The following HSF1 variants were observed in gnomAD, a reference collection of about 807,000 sequenced individuals.
The protein encoded by HSF1 is heat shock transcription factor 1.
A neutral mutation model predicts 51.7 loss-of-function variants in HSF1; 32 were observed. That is an observed-to-expected ratio of 0.62 (90% CI 0.47 to 0.83). The LOEUF is 0.83. Ranked by LOEUF, HSF1 falls within the 40% of genes least tolerant of loss-of-function variation. HSF1 has a pLI of 0.00. For synonymous variants in HSF1, 396 were observed against 309.7 expected, an observed-to-expected ratio of 1.28 and a Z score of -2.92; for missense variants, 727 against 717.0, an observed-to-expected ratio of 1.01 and a Z score of -0.16.
At chr8:144,295,258 A>G (rs1815378413) in intron 1 of HSF1, among the ~76,000 whole-genome samples, 1 of 152,250 alleles carries the variant, frequency 6.6e-6, no homozygotes, top group African/African-American at 2.4e-5. Flanking sequence ...AAAAGCAGAA[A>G]GTGAAGCCTC....
intron 1 of HSF1, chr8:144,293,674 G>A (rs1554840831): frequency 6.6e-6 from 1 of 151,842 alleles, no homozygotes; most frequent in African/African-American, 2.4e-5. Flanking sequence ...CTGACCTCAA[G>A]TTATCCACCC....
At position 144,311,201 on chromosome 8, in the gene HSF1, G is replaced by A; in HGVS notation, c.516G>A (p.Val172=). Residue 172 remains valine, a synonymous_variant, in exon 5 of 13, where the codon GTG becomes GTA. Coordinates refer to ENST00000528838, the MANE Select transcript of HSF1 (RefSeq NM_005526.4). ...AGAATGAGGCTCTGTGGCGGGAGGT[G>A]GCCAGCCTTCGGCAGAAGCATGCCC... ...KHENEALWRE[V]ASLRQKHAQQ... is the part of the protein sequence containing the mutation. 6.2e-7 allele frequency: 1 copy of A among 1,603,000 alleles called. No individual in the cohort carries two copies. Among genetic ancestry groups the A allele is most frequent in the Non-Finnish European group, 8.5e-7 (1 of 1,175,182 alleles).
intron 1 of HSF1, among the ~76,000 whole-genome samples, chr8:144,294,413 G>A (rs141707178): frequency 6.6e-6 from 1 of 152,298 alleles, no homozygotes; most frequent in Non-Finnish European, 1.5e-5. Context: ...CTTGCTCTCT[G>A]CTGCCTTCTC....
chr8:144,299,003 C>G (rs751676488), intron 1 of HSF1, among the ~76,000 whole-genome samples: 2 of 152,176 alleles, frequency 1.3e-5, no homozygotes, highest in East Asian at 3.8e-4. Flanking sequence ...ATACAAGGAG[C>G]TTTCATGACA....
At chr8:144,307,614 T>C (rs1296187807) in intron 1 of HSF1, among the ~76,000 whole-genome samples, 2 of 150,218 alleles carry the variant, frequency 1.3e-5, no homozygotes, top group African/African-American at 2.4e-5. Context: ...GTGGCGCCTA[T>C]AGTCAGCTAC....
rs1554842419 is a variant in HSF1, at chr8:144,301,933, GC to G, written c.118-6972del. Reference sequence around the variant, plus strand: ...TGCCTGTGGTGCCAGCTACTCAGAGGCTCGGGTGGAAGGATTGCTCCCAGAT... The same window carrying G: ...TGCCTGTGGTGCCAGCTACTCAGAGGTCGGGTGGAAGGATTGCTCCCAGAT... On this transcript the variant is annotated intron_variant, in intron 1 of 12. Coordinates refer to ENST00000528838, the MANE Select transcript of HSF1 (RefSeq NM_005526.4). 4.9e-4 allele frequency among the ~76,000 whole-genome samples: 75 copies of G among 151,688 alleles called. 4 individuals carry two copies. The South Asian group carries it at 1.0e-2, about 20-fold the overall frequency.
At chr8:144,311,133 C>G in intron 4 of HSF1, 41 bp from the exon 5 acceptor site, 1 of 1,552,800 alleles carries the variant, frequency 6.4e-7, no homozygotes, top group South Asian at 1.2e-5. Context: ...CCCTGGGGCT[C>G]ATGGGATTGG....
In HSF1 at chr8:144,291,735, C is replaced by T. The variant is rs1815099114; in HGVS notation, c.-23C>T. ...GGCCCCTCTTTGCGGCCGCTCCCTC[C>T]GCCTATTCCCTCCTTGCTCGAGATG... On this transcript the variant is annotated 5_prime_UTR_variant, in exon 1 of 13. Coordinates refer to ENST00000528838, the MANE Select transcript of HSF1 (RefSeq NM_005526.4). The surrounding 1 kb of genome is among the most constrained non-coding windows in gnomAD (Gnocchi z 4.1). 3 of 1,386,990 alleles carry T rather than the reference C, an allele frequency of 2.2e-6. No homozygotes were observed. Among genetic ancestry groups the T allele is most frequent in the Non-Finnish European group, 2.9e-6 (3 of 1,028,350 alleles). The allele number at this position is 1,386,990 out of a possible 1,614,324, so 85.9% of individuals were successfully genotyped here. A position where few individuals can be genotyped will look rare whatever the true frequency, so the allele number is the denominator to read the frequency against.
chr8:144,313,223 T>C, intron 9 of HSF1: 1 of 454,984 alleles, frequency 2.2e-6, no homozygotes, highest in Non-Finnish European at 4.0e-6. Flanking sequence ...CCCTGATCCT[T>C]GTGCTGGAGC....
chr8:144,303,479 G>A (rs2130378319), intron 1 of HSF1, among the ~76,000 whole-genome samples: 1 of 152,110 alleles, frequency 6.6e-6, no homozygotes, highest in African/African-American at 2.4e-5. Context: ...ACCCTTCTGG[G>A]CACTGGGTAA....
In HSF1 at chr8:144,305,974, C is replaced by T. The variant is rs1267960397; in HGVS notation, c.118-2932C>T. Reference sequence around the variant, plus strand: ...CTCCAACTCCTGACCTCAGGTGATCCGCCTGCCTTGGCCTCCCAAACTGCT... The same window carrying T: ...CTCCAACTCCTGACCTCAGGTGATCTGCCTGCCTTGGCCTCCCAAACTGCT... On this transcript the variant is annotated intron_variant, in intron 1 of 12. Transcript: ENST00000528838. Among the ~76,000 whole-genome samples, 5 of 152,088 alleles carry T rather than the reference C, an allele frequency of 3.3e-5. No homozygotes were observed. In the East Asian group the frequency reaches 5.8e-4, roughly 18 times the overall value.
chr8:144,313,189 C>T, intron 9 of HSF1: 1 of 406,576 alleles, frequency 2.5e-6, no homozygotes, highest in Non-Finnish European at 4.5e-6. Context: ...AACGGGAAAC[C>T]TCACCAACCC....
intron 1 of HSF1, among the ~76,000 whole-genome samples, chr8:144,295,821 C>T (rs986198098): frequency 1.3e-5 from 2 of 152,128 alleles, no homozygotes; most frequent in Admixed American, 6.5e-5. Context: ...CTCAGCCTCC[C>T]GAAGTGCTGG....
chr8:144,297,617 C>T lies in HSF1; in HGVS notation c.117+5743C>T, dbSNP rs1349361528. ...CTGCCTCACTGCTTCCATGCCCTGA[C>T]TCCGGTGGTCCCTGCTCCCCACACG... is the stretch of plus-strand genomic sequence containing the variant. On this transcript the variant is annotated intron_variant, in intron 1 of 12. Transcript: ENST00000528838. The surrounding 1 kb of genome is among the most constrained non-coding windows in gnomAD (Gnocchi z 4.6). 6.6e-6 allele frequency among the ~76,000 whole-genome samples: 1 copy of T among 152,218 alleles called. No homozygotes were observed. Among genetic ancestry groups the T allele is most frequent in the African/African-American group, 2.4e-5 (1 of 41,448 alleles).
intron 1 of HSF1, among the ~76,000 whole-genome samples, chr8:144,306,916 G>A (rs1816260903): frequency 1.3e-5 from 2 of 151,982 alleles, no homozygotes; most frequent in Middle Eastern, 3.4e-3. Context: ...TTTTCCGGGG[G>A]CTGTGTGTGT....
At chr8:144,312,342 C>A in intron 9 of HSF1, 98 bp downstream of exon 9, 1 of 951,642 alleles carries the variant, frequency 1.1e-6, no homozygotes, top group Non-Finnish European at 1.6e-6. Flanking sequence ...GGGCAGCTGG[C>A]GAGGCAGGAC....
intron 2 of HSF1, chr8:144,309,240 C>A: frequency 1.5e-6 from 1 of 675,954 alleles, no homozygotes; most frequent in Non-Finnish European, 2.5e-6. Flanking sequence ...GAAGCCGGAG[C>A]TGTACTCCAC....
At chr8:144,294,677 A>G (rs1334558406) in intron 1 of HSF1, among the ~76,000 whole-genome samples, 1 of 152,188 alleles carries the variant, frequency 6.6e-6, no homozygotes, top group Non-Finnish European at 1.5e-5. Context: ...CAGCCACTGG[A>G]GGCAGAATGC....
At chr8:144,309,744 G>T (rs370375219) in intron 3 of HSF1, 28 bp from the exon 4 acceptor site, 286 of 1,588,998 alleles carry the variant, frequency 1.8e-4, no homozygotes, top group Non-Finnish European at 2.3e-4. Flanking sequence ...GGCTGCTCCA[G>T]TGACTCCTGT....
Sources: gnomAD v4.1 joint callset for allele counts (sites outside exome capture counted in the v4.1 genomes callset) on GRCh38, gnomAD v4.1.1 for gene constraint, Gnocchi (gnomAD v3.1) non-coding constraint, MANE v1.5 for transcripts, NCBI Gene and HGNC (gene_info 2026-07-23, HGNC 2026-07-21) for gene names.